Variants in SAMMSON observed in about 807,000 individuals in gnomAD.
SAMMSON encodes survival associated mitochondrial melanoma specific oncogenic non-coding RNA.
At chr3:70,297,410 G>T (rs1226847414) in intron 7 of SAMMSON, among the ~76,000 whole-genome samples, 1 of 151,982 alleles carries the variant, frequency 6.6e-6, no homozygotes, top group African/African-American at 2.4e-5. Context: ...GCCACTCAAA[G>T]GTTGTAATTA....
intron 4 of SAMMSON, among the ~76,000 whole-genome samples, chr3:70,156,565 A>G (rs891832043): frequency 5.9e-5 from 9 of 152,112 alleles, no homozygotes; most frequent in Non-Finnish European, 1.2e-4. Context: ...AAAGTGACGA[A>G]TAATGGAAGG....
At chr3:70,161,769 T>C (rs1334921288) in intron 4 of SAMMSON, among the ~76,000 whole-genome samples, 2 of 151,920 alleles carry the variant, frequency 1.3e-5, no homozygotes, top group Non-Finnish European at 2.9e-5. Flanking sequence ...AAGTGGTTTA[T>C]AGAATTCACC....
intron 3 of SAMMSON, among the ~76,000 whole-genome samples, chr3:70,020,280 T>G (rs2067007168): frequency 6.6e-6 from 1 of 152,090 alleles, no homozygotes; most frequent in African/African-American, 2.4e-5. Flanking sequence ...TTTTCCACAA[T>G]CAAGAGCTAA....
chr3:70,423,608 A>AC, intron 2 of SAMMSON, among the ~76,000 whole-genome samples: 1 of 152,118 alleles, frequency 6.6e-6, no homozygotes, highest in East Asian at 1.9e-4. Flanking sequence ...AGTGAGAAAA[A>AC]ACGTGTTCTC....
chr3:70,262,223 G>A (rs1453113900), intron 6 of SAMMSON, among the ~76,000 whole-genome samples: 6 of 152,146 alleles, frequency 3.9e-5, no homozygotes, highest in African/African-American at 1.2e-4. Flanking sequence ...GGATGAAAAT[G>A]CATGAATAAT....
chr3:70,393,513 T>A (rs1032854121), downstream of SAMMSON, among the ~76,000 whole-genome samples: 13 of 152,152 alleles, frequency 8.5e-5, no homozygotes, highest in African/African-American at 3.1e-4. Flanking sequence ...GGGGAGATAA[T>A]CCCTGCACTG....
chr3:70,091,275 C>T (rs918635094), intron 4 of SAMMSON, among the ~76,000 whole-genome samples: 6 of 152,064 alleles, frequency 3.9e-5, no homozygotes, highest in African/African-American at 7.2e-5. Context: ...TATGTGAAGC[C>T]CTCAGGCATG....
chr3:70,118,111 C>T (rs184571225), intron 4 of SAMMSON, among the ~76,000 whole-genome samples: 208 of 152,058 alleles, frequency 1.4e-3, no homozygotes, highest in Middle Eastern at 0.014. Flanking sequence ...TTAGTAGAGA[C>T]GGGGTTTTTA....
chr3:70,127,965 G>A (rs1184215366), intron 4 of SAMMSON, among the ~76,000 whole-genome samples: 2 of 152,132 alleles, frequency 1.3e-5, no homozygotes, highest in Non-Finnish European at 2.9e-5. Context: ...ATAGATGATA[G>A]TTCATACTCT....
intron 4 of SAMMSON, among the ~76,000 whole-genome samples, chr3:70,114,204 T>G (rs935001482): frequency 2.0e-5 from 3 of 152,144 alleles, no homozygotes; most frequent in Non-Finnish European, 2.9e-5. Context: ...AAATCTCTGG[T>G]GTGTGCCAGT....
intron 7 of SAMMSON, among the ~76,000 whole-genome samples, chr3:70,325,382 G>T (rs1702571084): frequency 6.6e-6 from 1 of 152,124 alleles, no homozygotes; most frequent in Non-Finnish European, 1.5e-5. Flanking sequence ...GGCTGTGAGT[G>T]TCTCAACTAA....
chr3:70,345,015 A>G (rs1217429539), intron 7 of SAMMSON, among the ~76,000 whole-genome samples: 2 of 152,234 alleles, frequency 1.3e-5, no homozygotes, highest in Non-Finnish European at 2.9e-5. Context: ...AGAGCAAAGA[A>G]ATATATGTGT....
At chr3:70,377,982 T>C (rs1020735735) in intron 9 of SAMMSON, among the ~76,000 whole-genome samples, 1 of 151,978 alleles carries the variant, frequency 6.6e-6, no homozygotes, top group African/African-American at 2.4e-5. Context: ...CGCTCATACA[T>C]TGATGGTGGG....
intron 4 of SAMMSON, among the ~76,000 whole-genome samples, chr3:70,186,137 C>T (rs1182094189): frequency 2.6e-5 from 4 of 152,258 alleles, no homozygotes. Flanking sequence ...GTATGTCACA[C>T]GAAGCTTTGC....
intron 2 of SAMMSON, among the ~76,000 whole-genome samples, chr3:70,397,293 G>C (rs909036616): frequency 6.6e-6 from 1 of 151,982 alleles, no homozygotes; most frequent in Non-Finnish European, 1.5e-5. Flanking sequence ...TTCTTCATAG[G>C]TTCCTCAATC....
chr3:70,236,602 CT>C (rs1190655144), intron 4 of SAMMSON, among the ~76,000 whole-genome samples: 3 of 151,598 alleles, frequency 2.0e-5, no homozygotes, highest in Non-Finnish European at 2.9e-5. Flanking sequence ...TACTAGAAAA[CT>C]TTTTTTTTCT....
At chr3:70,267,576 GTAT>G in intron 6 of SAMMSON, among the ~76,000 whole-genome samples, 1 of 98,636 alleles carries the variant, frequency 1.0e-5, no homozygotes. Context: ...CTAATTTTTT[GTAT>G]TTTTTTTTTT....
chr3:70,117,940 C>T (rs1369696314), intron 4 of SAMMSON, among the ~76,000 whole-genome samples: 8 of 151,872 alleles, frequency 5.3e-5, no homozygotes, highest in Admixed American at 2.6e-4. Flanking sequence ...TTTTTTGAGA[C>T]GGAGTCTCGC....
chr3:70,139,237 A>G (rs1258427177), intron 4 of SAMMSON, among the ~76,000 whole-genome samples: 1 of 152,124 alleles, frequency 6.6e-6, no homozygotes, highest in African/African-American at 2.4e-5. Context: ...GGGTCTTGCT[A>G]TATTGTCCAG....
Sources: gnomAD v4.1 joint callset for allele counts (sites outside exome capture counted in the v4.1 genomes callset) on GRCh38, gnomAD v4.1.1 for gene constraint, MANE v1.5 for transcripts, NCBI Gene and HGNC (gene_info 2026-07-23, HGNC 2026-07-21) for gene names.